Variants in SLCO5A1 observed in about 807,000 individuals in gnomAD.
SLCO5A1 encodes the protein solute carrier organic anion transporter family member 5A1.
In SLCO5A1, 39 loss-of-function variants were observed where a neutral mutation model predicts 65.1. The observed-to-expected ratio is 0.60, with a 90% CI of 0.46 to 0.78. The LOEUF (loss-of-function observed/expected upper bound fraction) is 0.78. SLCO5A1 is among the 30% of genes least tolerant of loss of function. The pLI is 0.00. For missense variants in SLCO5A1, 1,029 were observed against 1,069.4 expected, an observed-to-expected ratio of 0.96 and a Z score of 0.53; for synonymous variants, 438 against 415.7, an observed-to-expected ratio of 1.05 and a Z score of -0.65.
intron 9 of SLCO5A1, among the ~76,000 whole-genome samples, chr8:69,673,906 T>C (rs1334324648): frequency 6.6e-6 from 1 of 152,144 alleles, no homozygotes; most frequent in Non-Finnish European, 1.5e-5. Flanking sequence ...TGAAGGAACT[T>C]TATTATGGCA....
At chr8:69,800,823 G>A (rs4130258) in intron 2 of SLCO5A1, among the ~76,000 whole-genome samples, 2 of 152,140 alleles carry the variant, frequency 1.3e-5, no homozygotes, top group Admixed American at 6.5e-5. Flanking sequence ...CAGAGGAAAA[G>A]GGTGTTCCCC....
intron 2 of SLCO5A1, among the ~76,000 whole-genome samples, chr8:69,808,636 C>A (rs777109326): frequency 2.6e-5 from 4 of 152,150 alleles, no homozygotes; most frequent in Admixed American, 6.5e-5. Flanking sequence ...CGAACAAGTG[C>A]ATTTGTCTTT....
At chr8:69,723,429 T>A (rs960404809) in intron 5 of SLCO5A1, among the ~76,000 whole-genome samples, 3 of 151,740 alleles carry the variant, frequency 2.0e-5, no homozygotes, top group Non-Finnish European at 2.9e-5. Flanking sequence ...TTTTTTTTTT[T>A]ATTTTTTGTA....
At chr8:69,710,191 G>T (rs892084707) in intron 5 of SLCO5A1, among the ~76,000 whole-genome samples, 1 of 151,992 alleles carries the variant, frequency 6.6e-6, no homozygotes, top group African/African-American at 2.4e-5. Context: ...GCTAATTTTT[G>T]TATTTTTAGT....
At chr8:69,744,801 G>A (rs1238667586) in intron 4 of SLCO5A1, among the ~76,000 whole-genome samples, 2 of 152,162 alleles carry the variant, frequency 1.3e-5, no homozygotes, top group African/African-American at 4.8e-5. Context: ...TTCCTCCTGG[G>A]GAGCAGGTTA....
intron 2 of SLCO5A1, among the ~76,000 whole-genome samples, chr8:69,787,708 T>C (rs972669539): frequency 1.3e-5 from 2 of 152,224 alleles, no homozygotes; most frequent in African/African-American, 4.8e-5. Flanking sequence ...ATGTGAGTTA[T>C]GAACTAACTA....
intron 6 of SLCO5A1, among the ~76,000 whole-genome samples, chr8:69,697,896 A>T (rs1814567704): frequency 6.6e-6 from 1 of 152,146 alleles, no homozygotes; most frequent in African/African-American, 2.4e-5. Context: ...TCAGGAGTAC[A>T]TGTGCAAGTT....
intron 2 of SLCO5A1, among the ~76,000 whole-genome samples, chr8:69,803,187 G>A (rs374118066): frequency 2.2e-4 from 33 of 152,110 alleles, no homozygotes; most frequent in African/African-American, 7.7e-4. Context: ...AGGCCAAGGC[G>A]GGTGGATCAT....
intron 2 of SLCO5A1, among the ~76,000 whole-genome samples, chr8:69,782,067 G>A (rs1458877102): frequency 3.9e-5 from 6 of 152,088 alleles, no homozygotes; most frequent in East Asian, 1.9e-4. Flanking sequence ...GCCTGTCAGC[G>A]GGTGTGGGGC....
Position 69,679,618 on chromosome 8 carries a change from A to G in SLCO5A1, c.1784T>C (p.Ile595Thr), listed in dbSNP as rs1321141673. 4 of 1,613,228 alleles carry G rather than the reference A, an allele frequency of 2.5e-6. No homozygotes were observed. In the Admixed American group the frequency reaches 6.7e-5, roughly 27 times the overall value. Residue 595 changes from isoleucine to threonine, a missense_variant and splice_region_variant, in exon 8 of 10, where the codon ATA becomes ACA. Ile to Thr is a moderately conservative substitution (Grantham distance 89). Transcript: ENST00000260126. ...ACAGGTGCATTCTGTATAATTCCGT[A>G]TCTAAGTGAGCAAAATAAAGATGAG... The part of the protein sequence containing the change: ...CVNSGNLSTG[I>T]RNYTECTCVQ...
chr8:69,724,997 AT>A (rs1815998871), intron 5 of SLCO5A1, among the ~76,000 whole-genome samples: 1 of 152,182 alleles, frequency 6.6e-6, no homozygotes, highest in Non-Finnish European at 1.5e-5. Context: ...AGGATGGTCT[AT>A]TTGATAAATA....
intron 2 of SLCO5A1, among the ~76,000 whole-genome samples, chr8:69,780,464 A>G (rs1818745586): frequency 6.6e-6 from 1 of 152,228 alleles, no homozygotes; most frequent in African/African-American, 2.4e-5. Context: ...ATGGAAAACT[A>G]TTCAGCCATA....
intron 2 of SLCO5A1, among the ~76,000 whole-genome samples, chr8:69,768,490 G>A (rs73684304): frequency 0.014 from 2,197 of 152,220 alleles, 52 homozygotes; most frequent in African/African-American, 0.05. Context: ...AATGCCACAC[G>A]CTGGGTGGCT....
rs774115480 is a variant in SLCO5A1 at position 69,832,490 on chromosome 8, C to T, written c.184G>A (p.Gly62Ser). The stretch of plus-strand genomic sequence containing the variant: ...TGGTGGCCCGAAGAATCCACACAGC[C>T]AAAGGCCGGGTTGGCGTCTCCACTA... Reference protein sequence around the residue: ...PTSGDANPAFGCVDSSGHQEL... With the variant: ...PTSGDANPAFSCVDSSGHQEL... Residue 62 changes from glycine to serine, a missense_variant, in exon 2 of 10, where the codon GGC becomes AGC. This residue lies in a region of SLCO5A1 where 647 missense variants were observed against 647.5 expected (regional missense o/e 1.00). Transcript: ENST00000260126. This position sits in a 1 kb window ranked among gnomAD's most constrained non-coding sequence, Gnocchi z 4.5. 1 of 1,611,322 alleles carries T rather than the reference C, an allele frequency of 6.2e-7. No individual in the cohort carries two copies. The highest frequency in any genetic ancestry group is 8.5e-7 in the Non-Finnish European group (1 of 1,178,922).
In SLCO5A1 at chr8:69,832,224, G is replaced by T. The variant is rs925863462; in HGVS notation, c.450C>A (p.Ser150Arg). The change falls in exon 2 of 10, where the codon AGC becomes AGA. Residue 150 changes from serine (S) to arginine (R), a missense_variant. Transcript: ENST00000260126. This position sits in a 1 kb window ranked among gnomAD's most constrained non-coding sequence, Gnocchi z 4.5. The part of the protein sequence containing the change: ...IQALMVSGYL[S>R]SVITTIERRY... ...GCCTTTCAATGGTGGTAATTACGCT[G>T]CTCAGGTACCCAGAGACCATTAACG... 1.9e-6 allele frequency: 3 copies of T among 1,614,202 alleles called. No homozygotes were observed. Among genetic ancestry groups the T allele is most frequent in the East Asian group, 4.5e-5 (2 of 44,886 alleles).
intron 2 of SLCO5A1, chr8:69,794,483 T>C (rs941903565): frequency 7.2e-6 from 3 of 416,006 alleles, no homozygotes; most frequent in Non-Finnish European, 1.4e-5. Context: ...AATTCCATCA[T>C]GGTTTGGTTC....
chr8:69,812,927 C>T (rs1820267139), intron 2 of SLCO5A1, among the ~76,000 whole-genome samples: 1 of 152,174 alleles, frequency 6.6e-6, no homozygotes, highest in South Asian at 2.1e-4. Context: ...AAAGTTGCTG[C>T]TGTCCTCCAT....
rs533357004 is a variant in SLCO5A1 at position 69,694,943 on chromosome 8, G to A, written c.1622+10088C>T. On this transcript the variant is annotated intron_variant, in intron 6 of 9. Coordinates refer to ENST00000260126, the MANE Select transcript of SLCO5A1 (RefSeq NM_030958.3). ...TTAGATAATAAAGATGTAAATTTCC[G>A]TCGAGTTCATAAGAGTTGCAGCCTC... is the stretch of plus-strand genomic sequence containing the variant. 2.8e-4 allele frequency among the ~76,000 whole-genome samples: 42 copies of A among 152,262 alleles called. No individual in the cohort carries two copies. The South Asian group carries it at 4.6e-3, about 17-fold the overall frequency.
At position 69,832,566 on chromosome 8, in the gene SLCO5A1, CTT is replaced by C. The variant is rs745641544; in HGVS notation, c.106_107del (p.Lys36GlufsTer18). The C allele has an allele frequency of 1.4e-4, 230 of 1,612,530 alleles. No homozygotes were observed. The highest frequency in any genetic ancestry group is 1.6e-4 in the Non-Finnish European group (185 of 1,179,398). On this transcript the variant is annotated frameshift_variant, in exon 2 of 10. Transcript: ENST00000260126. LOFTEE classifies it high-confidence loss of function. This position sits in a 1 kb window ranked among gnomAD's most constrained non-coding sequence, Gnocchi z 4.5. ...ERCEPETLRS[K>X]SLPVLSSASC... ...AGGCGCTGCTGAGGACCGGTAAACT[CTT>C]AGACCTGAGGGTCTCCGGCTCGCAC...
Sources: allele counts gnomAD v4.1 joint callset (sites outside exome capture counted in the v4.1 genomes callset), GRCh38; gene constraint gnomAD v4.1.1; regional missense constraint gnomAD v4.1.1; non-coding constraint Gnocchi (gnomAD v3.1); transcripts MANE v1.5; gene names NCBI Gene and HGNC (gene_info 2026-07-23, HGNC 2026-07-21).